The following ZMAT4 variants were observed in gnomAD, a reference collection of about 807,000 sequenced individuals.
ZMAT4 encodes zinc finger matrin-type protein 4.
ZMAT4 carries 17 observed loss-of-function variants against 28.7 expected under a neutral mutation model. The ratio of observed to expected loss-of-function variants is 0.59; its 90% CI spans 0.41 to 0.89. The LOEUF is 0.89. Among genes scored for constraint, ZMAT4 ranks in the 40% least tolerant of loss-of-function variants. The pLI is 0.00. For synonymous variants in ZMAT4, 117 were observed against 109.2 expected (o/e 1.07, Z -0.44); for missense variants, 240 against 283.8 (o/e 0.85, Z 1.11).
At chr8:40,673,311 A>G (rs1808762435) in intron 5 of ZMAT4, among the ~76,000 whole-genome samples, 1 of 152,166 alleles carries the variant, frequency 6.6e-6, no homozygotes, top group Non-Finnish European at 1.5e-5. Context: ...TCATTGTAGC[A>G]TGACCTTTTA....
chr8:40,886,143 T>C (rs191696109), intron 1 of ZMAT4, among the ~76,000 whole-genome samples: 108 of 152,292 alleles, frequency 7.1e-4, no homozygotes, highest in Non-Finnish European at 1.3e-3. Context: ...GTTTGCCTCA[T>C]GGAGAAATCA....
At chr8:40,667,232 T>C (rs1232618391) in intron 5 of ZMAT4, among the ~76,000 whole-genome samples, 1 of 152,108 alleles carries the variant, frequency 6.6e-6, no homozygotes, top group African/African-American at 2.4e-5. Context: ...CTCTGCTCAC[T>C]GCAAGTTCTG....
At chr8:40,760,683 T>C (rs1177930065) in intron 3 of ZMAT4, among the ~76,000 whole-genome samples, 3 of 144,562 alleles carry the variant, frequency 2.1e-5, no homozygotes, top group Non-Finnish European at 4.5e-5. Context: ...CGCAAAGATC[T>C]CTCTCTCTCT....
intron 3 of ZMAT4, among the ~76,000 whole-genome samples, chr8:40,754,489 T>C (rs937811849): frequency 9.2e-5 from 14 of 152,220 alleles, no homozygotes; most frequent in South Asian, 2.1e-4. Flanking sequence ...GAGAAAATCA[T>C]GTGTAGCTGA....
At chr8:40,869,856 T>C (rs1479951370) in intron 1 of ZMAT4, among the ~76,000 whole-genome samples, 2 of 152,216 alleles carry the variant, frequency 1.3e-5, no homozygotes, top group Non-Finnish European at 2.9e-5. Flanking sequence ...TCTCTCCTCC[T>C]GGCTGAGACA....
chr8:40,795,711 G>A (rs1032571455), intron 2 of ZMAT4, among the ~76,000 whole-genome samples: 1 of 152,158 alleles, frequency 6.6e-6, no homozygotes, highest in Non-Finnish European at 1.5e-5. Context: ...TTGCATTAAT[G>A]TTGCATATAA....
At chr8:40,752,011 A>G (rs1159455093) in intron 3 of ZMAT4, among the ~76,000 whole-genome samples, 1 of 152,144 alleles carries the variant, frequency 6.6e-6, no homozygotes, top group Non-Finnish European at 1.5e-5. Flanking sequence ...AAGGAAGAAC[A>G]GGGTGGACCC....
chr8:40,701,608 C>A (rs1171065430), intron 3 of ZMAT4, among the ~76,000 whole-genome samples: 2 of 146,970 alleles, frequency 1.4e-5, no homozygotes, highest in Admixed American at 1.4e-4. Context: ...ACCTCCACCT[C>A]CTGGGTTCCA....
intron 2 of ZMAT4, among the ~76,000 whole-genome samples, chr8:40,816,402 T>A (rs940568852): frequency 1.3e-5 from 2 of 152,172 alleles, no homozygotes; most frequent in Admixed American, 1.3e-4. Flanking sequence ...ATTTTTTTTT[T>A]ATTTCTAAGA....
At chr8:40,776,203 A>G (rs1232165795) in intron 2 of ZMAT4, among the ~76,000 whole-genome samples, 1 of 152,256 alleles carries the variant, frequency 6.6e-6, no homozygotes, top group Non-Finnish European at 1.5e-5. Context: ...TTCCAAAAGC[A>G]AAAAGGGTAG....
At chr8:40,661,581 G>C (rs1808198407) in intron 5 of ZMAT4, among the ~76,000 whole-genome samples, 1 of 152,098 alleles carries the variant, frequency 6.6e-6, no homozygotes, top group Non-Finnish European at 1.5e-5. Context: ...GACACTTAAG[G>C]CTACTTTTTT....
intron 5 of ZMAT4, among the ~76,000 whole-genome samples, chr8:40,666,819 G>GA (rs1416232080): frequency 1.3e-4 from 20 of 151,800 alleles, no homozygotes; most frequent in African/African-American, 4.6e-4. Flanking sequence ...CAATATATCG[G>GA]AAAAAATCTG....
At chr8:40,881,185 C>T (rs1402345805) in intron 1 of ZMAT4, among the ~76,000 whole-genome samples, 1 of 151,852 alleles carries the variant, frequency 6.6e-6, no homozygotes, top group African/African-American at 2.4e-5. Context: ...CAAGATCAGC[C>T]TGAGTAACAT....
chr8:40,665,926 CATT>C (rs1418016940), intron 5 of ZMAT4, among the ~76,000 whole-genome samples: 1 of 152,140 alleles, frequency 6.6e-6, no homozygotes, highest in East Asian at 1.9e-4. Flanking sequence ...TTCTTGGAAA[CATT>C]ATTAAATTTT....
intron 6 of ZMAT4, among the ~76,000 whole-genome samples, chr8:40,539,578 A>C (rs1276116688): frequency 6.6e-6 from 1 of 152,226 alleles, no homozygotes; most frequent in Non-Finnish European, 1.5e-5. Context: ...ATTTAGCCTC[A>C]GTTTATTCAT....
At chr8:40,610,616 T>C (rs573006551) in intron 5 of ZMAT4, among the ~76,000 whole-genome samples, 134 of 152,316 alleles carry the variant, frequency 8.8e-4, no homozygotes, top group African/African-American at 3.1e-3. Context: ...ATTTCTTTCA[T>C]AAATAGCATG....
intron 5 of ZMAT4, among the ~76,000 whole-genome samples, chr8:40,652,981 T>C (rs1166532416): frequency 5.3e-5 from 8 of 150,046 alleles, no homozygotes. Flanking sequence ...ATACCTAATG[T>C]TAGATGACGA....
chr8:40,660,692 C>G (rs1339090745), intron 5 of ZMAT4, among the ~76,000 whole-genome samples: 1 of 152,164 alleles, frequency 6.6e-6, no homozygotes, highest in Non-Finnish European at 1.5e-5. Context: ...CTGCTGTTTC[C>G]TCCCTTACCT....
chr8:40,831,641 A>G (rs1428331104), intron 1 of ZMAT4, among the ~76,000 whole-genome samples: 1 of 152,226 alleles, frequency 6.6e-6, no homozygotes, highest in Non-Finnish European at 1.5e-5. Context: ...CTAATAACCT[A>G]CTTTCCACCC....
Sources: allele counts gnomAD v4.1 joint callset (sites outside exome capture counted in the v4.1 genomes callset), GRCh38; gene constraint gnomAD v4.1.1; transcripts MANE v1.5; gene names NCBI Gene and HGNC (gene_info 2026-07-23, HGNC 2026-07-21).